The following GRIN2A variants were observed in gnomAD, a reference collection of about 807,000 sequenced individuals.
The protein encoded by GRIN2A is glutamate ionotropic receptor NMDA type subunit 2A.
Under a neutral mutation model 113.4 loss-of-function variants are expected in GRIN2A, and 22 were observed. That is an observed-to-expected ratio of 0.19 (90% CI 0.14 to 0.28). The LOEUF (loss-of-function observed/expected upper bound fraction) is 0.28, where lower values mean the gene tolerates loss of function less well. Among genes scored for constraint, GRIN2A ranks in the 10% least tolerant of loss-of-function variants. GRIN2A has a pLI of 1.00. For missense variants in GRIN2A, 1,502 were observed against 1,887.0 expected (o/e 0.80, Z 3.78); for synonymous variants, 827 against 738.4 (o/e 1.12, Z -1.94).
In GRIN2A at chr16:9,802,160, C is replaced by T. The variant is rs371077336; in HGVS notation, c.2169-3696G>A. On this transcript the variant is annotated intron_variant, in intron 10 of 12. Coordinates refer to ENST00000330684, the MANE Select transcript of GRIN2A (RefSeq NM_001134407.3). ...GCAACCATTGTGGAAAGCAGTGTGG[C>T]GATTCCTCAAAGACCTATACTGGGT... Among the ~76,000 whole-genome samples the T allele has an allele frequency of 1.3e-4, 20 of 152,066 alleles. No homozygotes were observed. The East Asian group carries it at 1.3e-3, about 10-fold the overall frequency.
At chr16:9,917,321 C>T (rs1220221710) in intron 3 of GRIN2A, among the ~76,000 whole-genome samples, 1 of 152,202 alleles carries the variant, frequency 6.6e-6, no homozygotes, top group East Asian at 1.9e-4. Flanking sequence ...ATTATAACCC[C>T]AGGGGTCATG....
chr16:9,928,766 A>G (rs1365353629), intron 3 of GRIN2A, among the ~76,000 whole-genome samples: 1 of 152,090 alleles, frequency 6.6e-6, no homozygotes, highest in Admixed American at 6.6e-5. Flanking sequence ...CACCTCCCTC[A>G]TCCGTCGAGA....
At chr16:10,016,618 G>A (rs1276707718) in intron 2 of GRIN2A, among the ~76,000 whole-genome samples, 3 of 152,176 alleles carry the variant, frequency 2.0e-5, no homozygotes, top group African/African-American at 7.2e-5. Context: ...TTGTCCATAG[G>A]ATAAATGGAT....
intron 11 of GRIN2A, among the ~76,000 whole-genome samples, chr16:9,788,744 T>TC (rs1902404607): frequency 2.0e-5 from 3 of 150,096 alleles, no homozygotes; most frequent in Admixed American, 6.6e-5. Flanking sequence ...AGTCTTCTTT[T>TC]TTTTTTTTTT....
At chr16:9,934,184 C>T (rs1248933725) in intron 3 of GRIN2A, among the ~76,000 whole-genome samples, 1 of 152,098 alleles carries the variant, frequency 6.6e-6, no homozygotes, top group East Asian at 1.9e-4. Context: ...AGTATTTTAT[C>T]AGATTCTGTT....
At chr16:10,043,322 G>T (rs748007581) in intron 2 of GRIN2A, among the ~76,000 whole-genome samples, 1 of 152,110 alleles carries the variant, frequency 6.6e-6, no homozygotes, top group Non-Finnish European at 1.5e-5. Context: ...GTTGACATTC[G>T]TTCCAACCCA....
intron 4 of GRIN2A, among the ~76,000 whole-genome samples, chr16:9,864,330 G>A (rs2043124547): frequency 6.6e-6 from 1 of 152,068 alleles, no homozygotes. Context: ...GCTGACAGCT[G>A]AAAAAGCCTT....
chr16:10,168,306 T>C (rs1238873618), intron 2 of GRIN2A, among the ~76,000 whole-genome samples: 1 of 152,234 alleles, frequency 6.6e-6, no homozygotes, highest in Non-Finnish European at 1.5e-5. Context: ...GAGGTGATGA[T>C]GCAGGGATTA....
intron 11 of GRIN2A, among the ~76,000 whole-genome samples, chr16:9,784,454 C>CAAAACAAAAAAAAAAAAA (rs1902108146): frequency 2.2e-5 from 2 of 91,834 alleles, no homozygotes; most frequent in African/African-American, 8.1e-5. Context: ...AAAAAAAAAA[C>CAAAACAAAAAAAAAAAAA]AAACAAACAA....
chr16:9,940,061 A>AGAGTGTGTGT (rs536496290), intron 2 of GRIN2A, among the ~76,000 whole-genome samples: 3 of 143,008 alleles, frequency 2.1e-5, no homozygotes, highest in African/African-American at 7.9e-5. Context: ...AGAGAGAGAG[A>AGAGTGTGTGT]GTGTGTGTGT....
At chr16:10,179,896 T>G in intron 2 of GRIN2A, 102 bp downstream of exon 2, 1 of 361,778 alleles carries the variant, frequency 2.8e-6, no homozygotes, top group Non-Finnish European at 5.6e-6. Flanking sequence ...CCACCCCCAC[T>G]TCACATCAAG....
At chr16:9,940,442 A>T (rs2044844628) in intron 2 of GRIN2A, among the ~76,000 whole-genome samples, 3 of 152,192 alleles carry the variant, frequency 2.0e-5, no homozygotes, top group South Asian at 4.1e-4. Flanking sequence ...GCAGAAATCT[A>T]ATATTCTTGA....
chr16:9,928,312 T>C (rs1293433779), intron 3 of GRIN2A, among the ~76,000 whole-genome samples: 1 of 152,182 alleles, frequency 6.6e-6, no homozygotes, highest in East Asian at 1.9e-4. Flanking sequence ...AGGAGAGCTT[T>C]TGGCCTATAT....
At chr16:9,774,179 C>T (rs1463842773) in intron 11 of GRIN2A, among the ~76,000 whole-genome samples, 1 of 152,130 alleles carries the variant, frequency 6.6e-6, no homozygotes, top group African/African-American at 2.4e-5. Context: ...TACCCATCCA[C>T]CCACTGACAA....
intron 11 of GRIN2A, among the ~76,000 whole-genome samples, chr16:9,793,642 C>G (rs2141215996): frequency 6.6e-6 from 1 of 152,178 alleles, no homozygotes; most frequent in South Asian, 2.1e-4. Flanking sequence ...CTAAATCTTG[C>G]CACACGTGTT....
At chr16:10,077,680 C>A (rs555130015) in intron 2 of GRIN2A, among the ~76,000 whole-genome samples, 1 of 152,142 alleles carries the variant, frequency 6.6e-6, no homozygotes, top group Non-Finnish European at 1.5e-5. Flanking sequence ...ACCTTTCTGC[C>A]CTCATCTCCT....
intron 11 of GRIN2A, among the ~76,000 whole-genome samples, chr16:9,781,043 T>A (rs949330516): frequency 5.3e-5 from 8 of 150,476 alleles, no homozygotes; most frequent in Non-Finnish European, 1.2e-4. Flanking sequence ...TTTTCAGCAC[T>A]ACAGGCCATA....
intron 2 of GRIN2A, among the ~76,000 whole-genome samples, chr16:9,978,373 A>G (rs1463436272): frequency 6.6e-6 from 1 of 152,240 alleles, no homozygotes; most frequent in East Asian, 1.9e-4. Flanking sequence ...TCATTTCGAG[A>G]AAGGTGATAA....
intron 2 of GRIN2A, among the ~76,000 whole-genome samples, chr16:9,951,842 G>A (rs2045191656): frequency 6.6e-6 from 1 of 152,158 alleles, no homozygotes; most frequent in Non-Finnish European, 1.5e-5. Context: ...CTCAGAGCTG[G>A]TTGCAGGCGA....
Sources: allele counts gnomAD v4.1 joint callset (sites outside exome capture counted in the v4.1 genomes callset), GRCh38; gene constraint gnomAD v4.1.1; transcripts MANE v1.5; gene names NCBI Gene and HGNC (gene_info 2026-07-23, HGNC 2026-07-21).